The following NRG3 variants were observed in gnomAD, a reference collection of about 807,000 sequenced individuals.
The protein encoded by NRG3 is pro-neuregulin-3, membrane-bound isoform.
Under a neutral mutation model 66.9 loss-of-function variants are expected in NRG3, and 31 were observed. The observed-to-expected ratio is 0.46, with a 90% CI of 0.35 to 0.63. The LOEUF is 0.63. Ranked by LOEUF, NRG3 falls within the 20% of genes least tolerant of loss-of-function variation. The probability of loss-of-function intolerance (pLI) is 0.00; values close to 1 mark genes in which losing one functional copy is unlikely to be tolerated. For synonymous variants in NRG3, 393 were observed against 359.4 expected, an observed-to-expected ratio of 1.09 and a Z score of -1.06; for missense variants, 910 against 878.9, an observed-to-expected ratio of 1.04 and a Z score of -0.45.
In NRG3 at chr10:82,125,261, A is replaced by ATG. The variant is rs751692375; in HGVS notation, c.824-233464_824-233463dup. Among the ~76,000 whole-genome samples the ATG allele has an allele frequency of 4.8e-4, 73 of 151,322 alleles. 1 individual carries two copies. The highest frequency in any genetic ancestry group is 1.4e-3 in the African/African-American group (57 of 41,392). ...TGCAGCTGTGTCAGTGTGTGTGTTTATGTGTGTGTGTGTGTTTCCAAAAGT... is the reference window on the plus strand; with the variant it reads ...TGCAGCTGTGTCAGTGTGTGTGTTTATGTGTGTGTGTGTGTGTTTCCAAAAGT... On this transcript the variant is annotated intron_variant, in intron 1 of 8. Transcript: ENST00000372141.
At chr10:82,673,115 A>G (rs1294195982) in intron 2 of NRG3, among the ~76,000 whole-genome samples, 2 of 152,166 alleles carry the variant, frequency 1.3e-5, no homozygotes, top group Non-Finnish European at 2.9e-5. Context: ...CATGAGGTCA[A>G]TTGCTGCAGT....
rs548711264 is a variant in NRG3 at position 82,750,639 on chromosome 10, T to G, written c.1027+11989T>G. On this transcript the variant is annotated intron_variant, in intron 3 of 8. Transcript: ENST00000372141. ...CACATCCTTATTTATTATTTCTGAG[T>G]TATAGTAATTTTATGGTTGAGGCAA... Among the ~76,000 whole-genome samples, 3 of 152,208 alleles carry G rather than the reference T, an allele frequency of 2.0e-5. No homozygotes were observed. The South Asian group carries it at 6.2e-4, about 32-fold the overall frequency.
At chr10:82,212,230 G>A (rs944979163) in intron 1 of NRG3, among the ~76,000 whole-genome samples, 1 of 152,120 alleles carries the variant, frequency 6.6e-6, no homozygotes, top group Non-Finnish European at 1.5e-5. Flanking sequence ...TTGTTCTGAG[G>A]AGCAAAGAAG....
At chr10:82,231,572 C>G (rs900957608) in intron 1 of NRG3, among the ~76,000 whole-genome samples, 2 of 151,750 alleles carry the variant, frequency 1.3e-5, no homozygotes, top group African/African-American at 2.4e-5. Flanking sequence ...CATTATTTAT[C>G]AAATTTTAAT....
At chr10:82,257,187 G>A (rs1287945473) in intron 1 of NRG3, among the ~76,000 whole-genome samples, 1 of 152,116 alleles carries the variant, frequency 6.6e-6, no homozygotes, top group African/African-American at 2.4e-5. Context: ...GAATGAAAGA[G>A]TCAATCAGTC....
intron 1 of NRG3, among the ~76,000 whole-genome samples, chr10:82,238,864 A>T (rs1420628879): frequency 6.7e-6 from 1 of 148,816 alleles, no homozygotes; most frequent in African/African-American, 2.5e-5. Flanking sequence ...CTCTGCAGCT[A>T]AAAGGCCTAT....
At chr10:82,184,215 C>T (rs2073641556) in intron 1 of NRG3, among the ~76,000 whole-genome samples, 2 of 151,990 alleles carry the variant, frequency 1.3e-5, no homozygotes, top group Admixed American at 1.3e-4. Flanking sequence ...ACATTTGCAC[C>T]GATAGTATAA....
intron 2 of NRG3, among the ~76,000 whole-genome samples, chr10:82,494,837 G>A (rs563698090): frequency 2.6e-5 from 4 of 152,134 alleles, no homozygotes; most frequent in East Asian, 1.9e-4. Context: ...GTTTTTTTGC[G>A]TGATTGAAAA....
intron 4 of NRG3, among the ~76,000 whole-genome samples, chr10:82,945,552 A>G (rs1296423993): frequency 6.6e-6 from 1 of 152,156 alleles, no homozygotes; most frequent in African/African-American, 2.4e-5. Context: ...CTATGGCAGA[A>G]GGGGGAAGGC....
chr10:82,030,720 C>T (rs965770003), intron 1 of NRG3, among the ~76,000 whole-genome samples: 11 of 149,172 alleles, frequency 7.4e-5, no homozygotes, highest in African/African-American at 1.2e-4. Context: ...AAGGGACCTC[C>T]ACTGTCAAGT....
At chr10:82,918,810 A>G (rs1457155426) in intron 4 of NRG3, among the ~76,000 whole-genome samples, 1 of 152,222 alleles carries the variant, frequency 6.6e-6, no homozygotes, top group African/African-American at 2.4e-5. Flanking sequence ...TGAATTATTG[A>G]AGAAAAATCT....
At chr10:82,839,829 A>G (rs1401383062) in intron 3 of NRG3, among the ~76,000 whole-genome samples, 3 of 152,120 alleles carry the variant, frequency 2.0e-5, no homozygotes, top group Non-Finnish European at 2.9e-5. Context: ...AGTACTAATT[A>G]TATTAAAAAT....
At chr10:82,423,538 A>T (rs1482491772) in intron 2 of NRG3, among the ~76,000 whole-genome samples, 2 of 151,186 alleles carry the variant, frequency 1.3e-5, no homozygotes, top group Non-Finnish European at 3.0e-5. Flanking sequence ...CAAAATGGCA[A>T]TTTTTTTTTC....
intron 1 of NRG3, among the ~76,000 whole-genome samples, chr10:82,126,052 T>G (rs925428177): frequency 1.1e-4 from 17 of 152,180 alleles, no homozygotes; most frequent in Middle Eastern, 3.4e-3. Context: ...GAGCAACTAC[T>G]GATAATTATT....
chr10:81,972,246 C>G (rs986026454), intron 1 of NRG3, among the ~76,000 whole-genome samples: 1 of 152,060 alleles, frequency 6.6e-6, no homozygotes, highest in Non-Finnish European at 1.5e-5. Flanking sequence ...TATAGGAATA[C>G]AAAAGTAAAT....
intron 3 of NRG3, among the ~76,000 whole-genome samples, chr10:82,754,266 A>G (rs1277010458): frequency 6.6e-6 from 1 of 151,456 alleles, no homozygotes; most frequent in Non-Finnish European, 1.5e-5. Flanking sequence ...ATATTTGTAC[A>G]TCATTATAAT....
rs573560290 is a variant in NRG3, at chr10:82,171,005, A to G, written c.824-187734A>G. 6.9e-4 allele frequency among the ~76,000 whole-genome samples: 105 copies of G among 151,894 alleles called. 1 individual carries two copies. Among genetic ancestry groups the G allele is most frequent in the Admixed American group, 6.9e-3 (105 of 15,218 alleles). The stretch of plus-strand genomic sequence containing the variant: ...GAGATCATTTGTCTTCATGTGAAGG[A>G]GCTGAAGACATTAATATTGATTATG... On this transcript the variant is annotated intron_variant, in intron 1 of 8. Coordinates refer to ENST00000372141, the MANE Select transcript of NRG3 (RefSeq NM_001010848.4).
chr10:81,897,119 A>C (rs1843600519), intron 1 of NRG3, among the ~76,000 whole-genome samples: 1 of 152,186 alleles, frequency 6.6e-6, no homozygotes, highest in South Asian at 2.1e-4. Context: ...AGGGTATCAG[A>C]AAGAGAAAAA....
intron 2 of NRG3, among the ~76,000 whole-genome samples, chr10:82,705,232 C>T (rs1463166380): frequency 1.3e-5 from 2 of 152,072 alleles, no homozygotes; most frequent in East Asian, 1.9e-4. Flanking sequence ...CAAATGTCAG[C>T]GACACACAAA....
Sources: gnomAD v4.1 joint callset for allele counts (sites outside exome capture counted in the v4.1 genomes callset) on GRCh38, gnomAD v4.1.1 for gene constraint, MANE v1.5 for transcripts, NCBI Gene and HGNC (gene_info 2026-07-23, HGNC 2026-07-21) for gene names.